PHLDB2: variants seen among roughly 807,000 people sequenced by gnomAD.
PHLDB2 encodes the protein pleckstrin homology like domain family B member 2.
Under a neutral mutation model 123.6 loss-of-function variants are expected in PHLDB2, and 71 were observed. That is an observed-to-expected ratio of 0.57 (90% CI 0.47 to 0.70). The LOEUF is 0.70. Among genes scored for constraint, PHLDB2 ranks in the 30% least tolerant of loss-of-function variants. PHLDB2 has a pLI of 0.00. For missense variants in PHLDB2, 1,446 were observed against 1,519.5 expected, an observed-to-expected ratio of 0.95 and a Z score of 0.80; for synonymous variants, 547 against 541.6, an observed-to-expected ratio of 1.01 and a Z score of -0.14.
Position 111,859,362 on chromosome 3 carries a change from T to A in PHLDB2, c.-229T>A, listed in dbSNP as rs555819243. On this transcript the variant is annotated 5_prime_UTR_variant, in exon 1 of 18. Transcript: ENST00000431670. Reference sequence around the variant, plus strand: ...AGCCGTGAAAGCCCCAACAGCAAACTGCCTGGGAGCGGGGCAGGTCACCAA... The same window carrying A: ...AGCCGTGAAAGCCCCAACAGCAAACAGCCTGGGAGCGGGGCAGGTCACCAA... 2 of 985,652 alleles carry A rather than the reference T, an allele frequency of 2.0e-6. No individual in the cohort carries two copies. Among genetic ancestry groups the A allele is most frequent in the African/African-American group, 3.5e-5 (2 of 57,382 alleles). The allele number at this position is 985,652 out of a possible 1,614,324, so 61.1% of individuals were successfully genotyped here. A position where few individuals can be genotyped will look rare whatever the true frequency, so the allele number is the denominator to read the frequency against.
chr3:111,850,349 G>C (rs1268929713), intron 2 of PHLDB2, among the ~76,000 whole-genome samples: 1 of 152,124 alleles, frequency 6.6e-6, no homozygotes, highest in African/African-American at 2.4e-5. Flanking sequence ...TTAGGTAAAT[G>C]TACACTACTT....
At chr3:111,827,040 G>A (rs577160065) in intron 1 of PHLDB2, among the ~76,000 whole-genome samples, 2 of 152,216 alleles carry the variant, frequency 1.3e-5, no homozygotes, top group African/African-American at 4.8e-5. Context: ...CAATGTCCAA[G>A]AGAAAAAAGG....
At chr3:111,842,839 A>G (rs1262693331) in intron 1 of PHLDB2, among the ~76,000 whole-genome samples, 2 of 152,226 alleles carry the variant, frequency 1.3e-5, no homozygotes, top group Non-Finnish European at 2.9e-5. Context: ...TGAACAGTTC[A>G]TATAAATGTA....
At chr3:111,868,170 C>T (rs1223030059) in intron 1 of PHLDB2, among the ~76,000 whole-genome samples, 2 of 152,002 alleles carry the variant, frequency 1.3e-5, no homozygotes, top group Non-Finnish European at 2.9e-5. Context: ...CAGGCATGCA[C>T]CACCATGCCT....
intron 5 of PHLDB2, among the ~76,000 whole-genome samples, chr3:111,931,060 T>G (rs2069120634): frequency 6.6e-6 from 1 of 152,178 alleles, no homozygotes; most frequent in South Asian, 2.1e-4. Flanking sequence ...TAAAATGTAG[T>G]AAGGATAATG....
intron 1 of PHLDB2, among the ~76,000 whole-genome samples, chr3:111,768,102 G>A (rs1273411931): frequency 6.6e-6 from 1 of 152,100 alleles, no homozygotes; most frequent in East Asian, 1.9e-4. Context: ...CACAAATAGG[G>A]GAGTTTCCCC....
At chr3:111,796,564 C>T (rs1228752238) in intron 1 of PHLDB2, among the ~76,000 whole-genome samples, 1 of 152,164 alleles carries the variant, frequency 6.6e-6, no homozygotes, top group African/African-American at 2.4e-5. Flanking sequence ...GACAGACTCT[C>T]ACTCTGTTGT....
chr3:111,935,500 AAGATAGATAGATAGAT>A lies in PHLDB2; in HGVS notation c.2130+3131_2130+3146del, dbSNP rs67765854. Among the ~76,000 whole-genome samples the A allele has an allele frequency of 5.5e-5, 8 of 145,752 alleles. No individual in the cohort carries two copies. In the South Asian group the frequency reaches 9.1e-4, roughly 17 times the overall value. Reference sequence around the variant, plus strand: ...GAACTAATATGATATATGTGTATATAAGATAGATAGATAGATAGATAGATAGATAGATAGATAGATA... The same window carrying A: ...GAACTAATATGATATATGTGTATATAAGATAGATAGATAGATAGATAGATA... On this transcript the variant is annotated intron_variant, in intron 6 of 17. Coordinates refer to ENST00000431670, the MANE Select transcript of PHLDB2 (RefSeq NM_001134438.2).
At chr3:111,966,822 C>A in intron 14 of PHLDB2, 119 bp downstream of exon 14, 1 of 678,936 alleles carries the variant, frequency 1.5e-6, no homozygotes, top group Non-Finnish European at 2.5e-6. Context: ...ATCACTCAAC[C>A]TTTCTCAGTC....
chr3:111,799,376 CTT>C (rs1437902527), intron 1 of PHLDB2, among the ~76,000 whole-genome samples: 3 of 152,132 alleles, frequency 2.0e-5, no homozygotes, highest in Non-Finnish European at 4.4e-5. Flanking sequence ...GAATAGTAGT[CTT>C]TGAATTTAAT....
intron 1 of PHLDB2, among the ~76,000 whole-genome samples, chr3:111,764,590 A>C (rs76174697): frequency 0.021 from 3,164 of 152,300 alleles, 54 homozygotes; most frequent in Non-Finnish European, 0.033. Context: ...GATAAAAAAA[A>C]ATACCCCACT....
chr3:111,883,398 T>C (rs1315880566), intron 1 of PHLDB2, among the ~76,000 whole-genome samples: 1 of 152,138 alleles, frequency 6.6e-6, no homozygotes, highest in Non-Finnish European at 1.5e-5. Context: ...TTAAAGGATA[T>C]AACAGTTTCA....
rs562663032 is a variant in PHLDB2, at chr3:111,952,692, G to A, written c.2752G>A (p.Gly918Arg). 6.2e-7 allele frequency: 1 copy of A among 1,613,192 alleles called. No individual in the cohort carries two copies. The highest frequency in any genetic ancestry group is 1.3e-5 in the African/African-American group (1 of 74,980). The change falls in exon 11 of 18, where the codon GGG becomes AGG. Residue 918 changes from glycine (G) to arginine (R), a missense_variant. Around this residue, in one of 3 missense-constraint regions of PHLDB2, gnomAD observed 594 missense variants for 646.0 expected, o/e 0.92. Transcript: ENST00000431670. ...CCCACATTTCAGCAGTGCTACTATG[G>A]GGAGAAGCATCACCCCAAAGGTAGG... is the stretch of plus-strand genomic sequence containing the variant. ...ISPHFSSATM[G>R]RSITPKAHLP...
intron 1 of PHLDB2, among the ~76,000 whole-genome samples, chr3:111,817,861 CAATA>C (rs2062166595): frequency 6.6e-6 from 1 of 151,986 alleles, no homozygotes; most frequent in Non-Finnish European, 1.5e-5. Flanking sequence ...ACTTTACTGG[CAATA>C]TGTCTCTTGT....
chr3:111,787,684 T>C (rs1406650711), intron 1 of PHLDB2, among the ~76,000 whole-genome samples: 1 of 152,134 alleles, frequency 6.6e-6, no homozygotes, highest in Non-Finnish European at 1.5e-5. Flanking sequence ...TCTTTTTCCT[T>C]CTGGTCCACT....
chr3:111,966,796 T>C, intron 14 of PHLDB2, 93 bp downstream of exon 14: 1 of 895,274 alleles, frequency 1.1e-6, no homozygotes, highest in Non-Finnish European at 1.8e-6. Context: ...TAAGGAGCCG[T>C]GTGTTCCTGG....
chr3:111,913,302 TC>T lies in PHLDB2; in HGVS notation c.1336-15del. ...TCTCACAAACCCACTGACCTCCCCCTCCTCCCTGTGTTCCAGGAGAGACAGC... is the reference window on the plus strand; with the variant it reads ...TCTCACAAACCCACTGACCTCCCCCTCTCCCTGTGTTCCAGGAGAGACAGC... On this transcript the variant is annotated splice_polypyrimidine_tract_variant and intron_variant, in intron 2 of 17. Transcript: ENST00000431670. 1 of 1,562,082 alleles carries T rather than the reference TC, an allele frequency of 6.4e-7. No individual in the cohort carries two copies. Among genetic ancestry groups the T allele is most frequent in the Non-Finnish European group, 8.6e-7 (1 of 1,157,098 alleles).
In PHLDB2 at chr3:111,792,416, G is replaced by A. The variant is rs2060966020; in HGVS notation, c.-48-53405G>A. Among the ~76,000 whole-genome samples, 5 of 152,154 alleles carry A rather than the reference G, an allele frequency of 3.3e-5. No homozygotes were observed. The South Asian group carries it at 8.3e-4, about 25-fold the overall frequency. ...ACAATTAGCTATCAGTTATCATCAA[G>A]ATCTGAGCACCAGGCATGGTGGCTC... On this transcript the variant is annotated intron_variant, in intron 1 of 17. Transcript: ENST00000393923.
At chr3:111,852,734 G>A (rs2064313136) in intron 2 of PHLDB2, among the ~76,000 whole-genome samples, 2 of 144,530 alleles carry the variant, frequency 1.4e-5, no homozygotes, top group African/African-American at 2.6e-5. Flanking sequence ...TAACACAGCT[G>A]GGATAGGTTA....
Sources: gnomAD v4.1 joint callset for allele counts (sites outside exome capture counted in the v4.1 genomes callset) on GRCh38, gnomAD v4.1.1 for gene constraint, gnomAD v4.1.1 regional missense constraint, MANE v1.5 for transcripts, NCBI Gene and HGNC (gene_info 2026-07-23, HGNC 2026-07-21) for gene names.